LSAMP: variants seen among roughly 807,000 people sequenced by gnomAD.
LSAMP encodes limbic system associated membrane protein, also known as limbic system-associated membrane protein.
Under a neutral mutation model 38.6 loss-of-function variants are expected in LSAMP, and 7 were observed. The observed-to-expected ratio is 0.18, with a 90% CI of 0.10 to 0.34. The LOEUF (loss-of-function observed/expected upper bound fraction) is 0.34, where lower values mean the gene tolerates loss of function less well. Among genes scored for constraint, LSAMP ranks in the 10% least tolerant of loss-of-function variants. The probability of loss-of-function intolerance (pLI) is 1.00; values close to 1 mark genes in which losing one functional copy is unlikely to be tolerated. For missense variants in LSAMP, 313 were observed against 420.0 expected (o/e 0.75, Z 2.23); for synonymous variants, 154 against 166.8 (o/e 0.92, Z 0.59).
chr3:115,808,353 A>T lies in LSAMP; in HGVS notation c.*1964T>A, dbSNP rs1052414146. Reference sequence around the variant, plus strand: ...TAATTCTCTGTCCTCTCATGAACTGAACCACTTTCAGTGCTTACTACTGTG... The same window carrying T: ...TAATTCTCTGTCCTCTCATGAACTGTACCACTTTCAGTGCTTACTACTGTG... On this transcript the variant is annotated 3_prime_UTR_variant, in exon 7 of 7. Coordinates refer to ENST00000490035, the MANE Select transcript of LSAMP (RefSeq NM_002338.5). 9.9e-5 allele frequency: 15 copies of T among 152,132 alleles called. No individual in the cohort carries two copies. The highest frequency in any genetic ancestry group is 3.4e-4 in the African/African-American group (14 of 41,490). 9.4% of individuals were successfully genotyped at this position (152,132 alleles called of 1,614,324 possible). A position where few individuals can be genotyped will look rare whatever the true frequency, so the allele number is the denominator to read the frequency against.
chr3:116,367,960 T>C (rs2048377615), intron 1 of LSAMP: 1 of 152,244 alleles, frequency 6.6e-6, no homozygotes, highest in Non-Finnish European at 1.5e-5. Context: ...ACTGTGGCTC[T>C]GTGCCATCTC....
At chr3:116,345,277 C>T (rs529890082) in intron 1 of LSAMP, among the ~76,000 whole-genome samples, 1 of 152,122 alleles carries the variant, frequency 6.6e-6, no homozygotes, top group Non-Finnish European at 1.5e-5. Context: ...GAGATATCAA[C>T]CTCCCATTAC....
At chr3:116,043,917 G>A (rs932496054) in intron 2 of LSAMP, among the ~76,000 whole-genome samples, 1 of 152,224 alleles carries the variant, frequency 6.6e-6, no homozygotes, top group African/African-American at 2.4e-5. Context: ...CTGCACTCCC[G>A]CCTGGGCGAA....
intron 3 of LSAMP, among the ~76,000 whole-genome samples, chr3:116,011,923 G>A (rs80247281): frequency 0.023 from 3,492 of 152,212 alleles, 61 homozygotes; most frequent in Non-Finnish European, 0.034. Context: ...TGTCCCCCTT[G>A]GCAAGGATCT....
chr3:116,334,270 A>C (rs968755544), intron 1 of LSAMP, among the ~76,000 whole-genome samples: 3 of 152,124 alleles, frequency 2.0e-5, no homozygotes, highest in Non-Finnish European at 4.4e-5. Context: ...TCTAAGAAAT[A>C]AAAACCCTGA....
intron 6 of LSAMP, among the ~76,000 whole-genome samples, chr3:115,824,474 G>A (rs1410885608): frequency 1.3e-5 from 2 of 152,116 alleles, no homozygotes; most frequent in African/African-American, 4.8e-5. Context: ...AGGCCAAGAC[G>A]TGCAGATCAC....
chr3:116,091,196 T>C (rs1708115473), intron 1 of LSAMP, among the ~76,000 whole-genome samples: 2 of 152,230 alleles, frequency 1.3e-5, no homozygotes, highest in Non-Finnish European at 2.9e-5. Context: ...CATTTGCTTT[T>C]GAAAGAAGAG....
intron 1 of LSAMP, among the ~76,000 whole-genome samples, chr3:116,310,390 C>T (rs952779386): frequency 2.6e-5 from 4 of 152,100 alleles, no homozygotes; most frequent in African/African-American, 7.2e-5. Context: ...TGGAAGGTGC[C>T]GATTCTCAGT....
intron 4 of LSAMP, among the ~76,000 whole-genome samples, chr3:115,848,345 AC>A (rs1935226569): frequency 1.3e-5 from 2 of 152,084 alleles, no homozygotes; most frequent in South Asian, 4.2e-4. Flanking sequence ...AATTGCTTGA[AC>A]CCAGGAGGCA....
chr3:116,079,906 G>C (rs1178161645), intron 2 of LSAMP, among the ~76,000 whole-genome samples: 2 of 151,880 alleles, frequency 1.3e-5, no homozygotes, highest in Non-Finnish European at 2.9e-5. Flanking sequence ...CATTTTTAAG[G>C]TAATGTGTAG....
At chr3:115,816,211 T>C (rs537788126) in intron 6 of LSAMP, among the ~76,000 whole-genome samples, 47 of 152,244 alleles carry the variant, frequency 3.1e-4, no homozygotes, top group African/African-American at 1.1e-3. Context: ...CATTTTAGGG[T>C]CTGTTTTATG....
chr3:115,864,012 C>A (rs1935786835), intron 3 of LSAMP, among the ~76,000 whole-genome samples: 1 of 152,152 alleles, frequency 6.6e-6, no homozygotes, highest in African/African-American at 2.4e-5. Context: ...GTTTTCATGA[C>A]TATCCATGGG....
chr3:115,917,817 A>G (rs927605783), intron 3 of LSAMP, among the ~76,000 whole-genome samples: 1 of 152,184 alleles, frequency 6.6e-6, no homozygotes, highest in Non-Finnish European at 1.5e-5. Flanking sequence ...AAAACACTTT[A>G]TTGAGCATAG....
chr3:115,846,700 C>T (rs1361461601), intron 4 of LSAMP, among the ~76,000 whole-genome samples: 1 of 152,174 alleles, frequency 6.6e-6, no homozygotes, highest in Non-Finnish European at 1.5e-5. Flanking sequence ...CTGAACCTCT[C>T]TGCTCTGGTA....
intron 1 of LSAMP, among the ~76,000 whole-genome samples, chr3:116,132,718 T>C (rs1559754869): frequency 6.6e-6 from 1 of 152,372 alleles, no homozygotes; most frequent in East Asian, 1.9e-4. Context: ...TTAGCACTTT[T>C]ATTTCTCTGA....
At chr3:116,433,459 C>T (rs1310514593) in intron 1 of LSAMP, among the ~76,000 whole-genome samples, 2 of 152,064 alleles carry the variant, frequency 1.3e-5, no homozygotes, top group African/African-American at 4.8e-5. Flanking sequence ...AAATAATACC[C>T]TTGTACATTA....
At chr3:116,164,739 T>TATG (rs1553709478) in intron 1 of LSAMP, among the ~76,000 whole-genome samples, 1 of 71,896 alleles carries the variant, frequency 1.4e-5, no homozygotes, top group African/African-American at 5.7e-5. Flanking sequence ...AATATATATA[T>TATG]ATCCATATAT....
chr3:116,041,612 T>G (rs1204203236), intron 2 of LSAMP, among the ~76,000 whole-genome samples: 1 of 151,546 alleles, frequency 6.6e-6, no homozygotes, highest in Non-Finnish European at 1.5e-5. Flanking sequence ...TTTCAAACAT[T>G]GATCGTGCCA....
intron 1 of LSAMP, among the ~76,000 whole-genome samples, chr3:116,222,457 G>A (rs2046297085): frequency 6.6e-6 from 1 of 152,066 alleles, no homozygotes; most frequent in Admixed American, 6.6e-5. Flanking sequence ...CGATTTAAAT[G>A]TGAGGTAGGA....
Sources: gnomAD v4.1 joint callset for allele counts (sites outside exome capture counted in the v4.1 genomes callset) on GRCh38, gnomAD v4.1.1 for gene constraint, MANE v1.5 for transcripts, NCBI Gene and HGNC (gene_info 2026-07-23, HGNC 2026-07-21) for gene names.